CCDC175: variants seen among roughly 807,000 people sequenced by gnomAD.
CCDC175 encodes coiled-coil domain containing 175.
CCDC175 carries 100 observed loss-of-function variants against 114.6 expected under a neutral mutation model. The ratio of observed to expected loss-of-function variants is 0.87; its 90% confidence interval spans 0.74 to 1.03. The LOEUF is 1.03. Among genes scored for constraint, CCDC175 ranks in the 50% least tolerant of loss-of-function variants. The pLI is 0.00. For synonymous variants in CCDC175, 306 were observed against 308.7 expected, an observed-to-expected ratio of 0.99 and a Z score of 0.09; for missense variants, 880 against 917.8, an observed-to-expected ratio of 0.96 and a Z score of 0.53.
intron 3 of CCDC175, among the ~76,000 whole-genome samples, chr14:59,572,326 C>T (rs539685301): frequency 7.2e-5 from 11 of 152,230 alleles, no homozygotes; most frequent in Non-Finnish European, 4.4e-5. Flanking sequence ...TGAAGGAAGC[C>T]GGTCATGAGG....
At chr14:59,533,395 G>T (rs1894185265) in intron 13 of CCDC175, among the ~76,000 whole-genome samples, 1 of 152,188 alleles carries the variant, frequency 6.6e-6, no homozygotes, top group African/African-American at 2.4e-5. Flanking sequence ...GAAGGAGCCA[G>T]AAAGTGGTTA....
chr14:59,542,415 T>C (rs1255187598), intron 10 of CCDC175, among the ~76,000 whole-genome samples: 1 of 152,140 alleles, frequency 6.6e-6, no homozygotes, highest in Non-Finnish European at 1.5e-5. Flanking sequence ...ACAATCATTA[T>C]AAAAGTGAAA....
In CCDC175 at chr14:59,538,722, T is replaced by C; in HGVS notation, c.1474A>G (p.Ile492Val). 6.5e-7 allele frequency: 1 copy of C among 1,535,702 alleles called. No individual in the cohort carries two copies. The highest frequency in any genetic ancestry group is 8.7e-7 in the Non-Finnish European group (1 of 1,146,370). ...EKIQNAEVRR[I>V]ELLNETSFRQ... ...TCTCTTACCTCGTTAAGTAATTCAA[T>C]TCGTCTAACTTCTGCATTCTGAATT... The change falls in exon 12 of 20, where the codon ATT becomes GTT. Residue 492 changes from isoleucine to valine, a missense_variant. By Grantham distance (29) the Ile-to-Val change is conservative. Coordinates refer to ENST00000537690, the MANE Select transcript of CCDC175 (RefSeq NM_001164399.2).
intron 7 of CCDC175, among the ~76,000 whole-genome samples, chr14:59,555,053 A>G (rs1194302101): frequency 6.6e-6 from 1 of 152,230 alleles, no homozygotes. Context: ...AGGAGCTGGT[A>G]CCATTACTTC....
chr14:59,512,296 T>C (rs1268023925), intron 17 of CCDC175, among the ~76,000 whole-genome samples: 1 of 152,218 alleles, frequency 6.6e-6, no homozygotes, highest in South Asian at 2.1e-4. Flanking sequence ...AAAGGAGTAA[T>C]ACTAGCTGAG....
chr14:59,535,322 C>T (rs1023461427), intron 13 of CCDC175, among the ~76,000 whole-genome samples: 4 of 152,066 alleles, frequency 2.6e-5, no homozygotes, highest in Non-Finnish European at 4.4e-5. Context: ...TTGAGTTTTG[C>T]GATCTACTGA....
chr14:59,574,792 C>A (rs1897017255), intron 2 of CCDC175, 151 bp downstream of exon 2: 2 of 507,960 alleles, frequency 3.9e-6, no homozygotes, highest in Non-Finnish European at 6.9e-6. Flanking sequence ...TGTGCAAATC[C>A]TTACAAAATT....
intron 17 of CCDC175, among the ~76,000 whole-genome samples, chr14:59,519,353 C>T (rs1338841972): frequency 6.6e-6 from 1 of 151,902 alleles, no homozygotes; most frequent in Non-Finnish European, 1.5e-5. Context: ...AATTAGAAAT[C>T]TAGACATAAA....
At chr14:59,513,020 A>C (rs1892841287) in intron 17 of CCDC175, among the ~76,000 whole-genome samples, 1 of 152,204 alleles carries the variant, frequency 6.6e-6, no homozygotes, top group Admixed American at 6.5e-5. Flanking sequence ...ATTTAGAATA[A>C]AGGAACAACC....
chr14:59,510,184 T>G (rs1232441700), intron 19 of CCDC175, among the ~76,000 whole-genome samples: 1 of 152,188 alleles, frequency 6.6e-6, no homozygotes, highest in Non-Finnish European at 1.5e-5. Flanking sequence ...CTGGACTGCT[T>G]GCTCATGAGT....
chr14:59,518,372 G>A (rs1454280851), intron 17 of CCDC175, among the ~76,000 whole-genome samples: 3 of 152,170 alleles, frequency 2.0e-5, no homozygotes, highest in Non-Finnish European at 4.4e-5. Flanking sequence ...ACTATCATCA[G>A]AGTGAACAGG....
Position 59,531,860 on chromosome 14 carries a change from T to A in CCDC175, c.1674A>T (p.Leu558=). 7.5e-7 allele frequency: 1 copy of A among 1,336,400 alleles called. No homozygotes were observed. Among genetic ancestry groups the A allele is most frequent in the Non-Finnish European group, 1.0e-6 (1 of 969,510 alleles). 82.8% of individuals were successfully genotyped at this position (1,336,400 alleles called of 1,614,324 possible). The part of the protein sequence containing the change: ...TQINKEKEEE[L]VEYLPQLQVA... ...CCTGAAGTTGTGGAAGATACTCAACTAGTTCTTCTTCCTTTTCTTTGTTAA... is the reference window on the plus strand; with the variant it reads ...CCTGAAGTTGTGGAAGATACTCAACAAGTTCTTCTTCCTTTTCTTTGTTAA... The change falls in exon 14 of 20, where the codon CTA becomes CTT. Residue 558 remains leucine (L), a synonymous_variant. Coordinates refer to ENST00000537690, the MANE Select transcript of CCDC175 (RefSeq NM_001164399.2).
intron 18 of CCDC175, among the ~76,000 whole-genome samples, chr14:59,511,487 T>A (rs897824036): frequency 6.9e-6 from 1 of 144,110 alleles, no homozygotes; most frequent in East Asian, 2.0e-4. Context: ...TCCCACCTTA[T>A]CTGAGTGGTA....
rs79014403 is a variant in CCDC175 at position 59,546,884 on chromosome 14, G to T, written c.1036-1585C>A. On this transcript the variant is annotated intron_variant, in intron 8 of 19. Transcript: ENST00000537690. ...AAAAAAGAATGCACAATTAAAAGATGAACAAATATCTAGAGCTTCTCAACA... is the reference window on the plus strand; with the variant it reads ...AAAAAAGAATGCACAATTAAAAGATTAACAAATATCTAGAGCTTCTCAACA... Among the ~76,000 whole-genome samples, 608 of 152,114 alleles carry T rather than the reference G, an allele frequency of 4.0e-3. 2 individuals are homozygous for T. The highest frequency in any genetic ancestry group is 0.014 in the African/African-American group (569 of 41,494).
intron 8 of CCDC175, among the ~76,000 whole-genome samples, chr14:59,550,587 G>A (rs886158134): frequency 6.6e-6 from 1 of 152,066 alleles, no homozygotes; most frequent in Admixed American, 6.6e-5. Context: ...GTTTATTAAG[G>A]AGTATTAACT....
intron 5 of CCDC175, 46 bp from the exon 6 acceptor site, chr14:59,563,905 C>A: frequency 1.6e-6 from 2 of 1,256,158 alleles, no homozygotes; most frequent in Non-Finnish European, 2.0e-6. Context: ...CCTATTAGCA[C>A]AACAAAGTTT....
intron 3 of CCDC175, among the ~76,000 whole-genome samples, chr14:59,570,569 C>A (rs994926706): frequency 6.6e-6 from 1 of 151,896 alleles, no homozygotes; most frequent in South Asian, 2.1e-4. Flanking sequence ...AAAAGCTGGG[C>A]AGAGGAGGAG....
At chr14:59,534,309 T>C (rs1421735251) in intron 13 of CCDC175, among the ~76,000 whole-genome samples, 2 of 152,306 alleles carry the variant, frequency 1.3e-5, no homozygotes, top group East Asian at 3.9e-4. Context: ...CTAAGCCACA[T>C]GCATATTTAT....
chr14:59,528,187 T>C (rs1172939286), intron 14 of CCDC175, among the ~76,000 whole-genome samples: 1 of 152,140 alleles, frequency 6.6e-6, no homozygotes, highest in East Asian at 1.9e-4. Context: ...TAACTTCTAC[T>C]ATAATATTGC....
Sources: gnomAD v4.1 joint callset for allele counts (sites outside exome capture counted in the v4.1 genomes callset) on GRCh38, gnomAD v4.1.1 for gene constraint, MANE v1.5 for transcripts, NCBI Gene and HGNC (gene_info 2026-07-23, HGNC 2026-07-21) for gene names.